The following FGF14 variants were observed in gnomAD, a reference collection of about 807,000 sequenced individuals.
FGF14 encodes fibroblast growth factor 14, also known as fibroblast growth factor homologous factor 4.
Under a neutral mutation model 25.5 loss-of-function variants are expected in FGF14, and 5 were observed. That is an observed-to-expected ratio of 0.20 (90% CI 0.10 to 0.41). FGF14 has a LOEUF of 0.41. Ranked by LOEUF, FGF14 falls within the 10% of genes least tolerant of loss-of-function variation. The pLI, the probability that FGF14 is intolerant of heterozygous loss-of-function variation, is 1.00. For missense variants in FGF14, 222 were observed against 320.1 expected (o/e 0.69, Z 2.34); for synonymous variants, 138 against 118.3 (o/e 1.17, Z -1.08).
chr13:101,856,047 C>T (rs2044111457), intron 3 of FGF14, among the ~76,000 whole-genome samples: 1 of 151,632 alleles, frequency 6.6e-6, no homozygotes, highest in Admixed American at 6.6e-5. Flanking sequence ...TTTGGCTTTG[C>T]TAACTCTGTA....
At chr13:102,188,778 C>A (rs1317442772) in intron 1 of FGF14, among the ~76,000 whole-genome samples, 1 of 151,194 alleles carries the variant, frequency 6.6e-6, no homozygotes, top group East Asian at 1.9e-4. Flanking sequence ...CCTTCTCAAC[C>A]AAAAATACAA....
At chr13:102,283,833 G>A (rs972777463) in intron 1 of FGF14, among the ~76,000 whole-genome samples, 1 of 152,140 alleles carries the variant, frequency 6.6e-6, no homozygotes, top group African/African-American at 2.4e-5. Context: ...CCATAAGCAG[G>A]TCAGTTGATT....
At chr13:102,154,624 C>A (rs550908631) in intron 1 of FGF14, among the ~76,000 whole-genome samples, 59 of 152,214 alleles carry the variant, frequency 3.9e-4, no homozygotes, top group Non-Finnish European at 6.6e-4. Flanking sequence ...AGCAAAATAA[C>A]CAGCTAACAT....
At chr13:101,800,645 T>C (rs1044801675) in intron 3 of FGF14, among the ~76,000 whole-genome samples, 4 of 152,218 alleles carry the variant, frequency 2.6e-5, no homozygotes, top group African/African-American at 9.6e-5. Context: ...CTATGTTCTG[T>C]GTGTCCAGAC....
In FGF14 at chr13:101,812,640, TATATATATATATA is replaced by T. The variant is rs1331628983; in HGVS notation, c.408+56072_408+56084del. Reference sequence around the variant, plus strand: ...ATATATATATATATATATATATATATATATATATATATATTTTTTTTTTTTTTTTTTTTTTTTT... The same window carrying T: ...ATATATATATATATATATATATATATTTTTTTTTTTTTTTTTTTTTTTTTT... On this transcript the variant is annotated intron_variant, in intron 3 of 4. Coordinates refer to ENST00000376143, the MANE Select transcript of FGF14 (RefSeq NM_004115.4). Among the ~76,000 whole-genome samples the T allele has an allele frequency of 9.0e-3, 121 of 13,486 alleles. 1 individual carries two copies. The highest frequency in any genetic ancestry group is 0.025 in the Middle Eastern group (1 of 40). 8.8% of individuals were successfully genotyped at this position (13,486 alleles called of 152,430 possible).
chr13:102,141,321 G>T (rs2046634906), intron 1 of FGF14, among the ~76,000 whole-genome samples: 1 of 152,184 alleles, frequency 6.6e-6, no homozygotes, highest in Non-Finnish European at 1.5e-5. Context: ...GAGTTCAAGA[G>T]CCATTTCTAT....
rs868433062 is a variant in FGF14 at position 101,916,462 on chromosome 13, G to T, written c.184C>A (p.Arg62=). The T allele has an allele frequency of 6.2e-7, 1 of 1,613,930 alleles. No homozygotes were observed. The highest frequency in any genetic ancestry group is 8.5e-7 in the Non-Finnish European group (1 of 1,179,922). ...RIFGLKKRRL[R]RQDPQLKGIV... ...CATGACCCCCACAGACCTTGGCGCCGCAACCTGCGCTTCTTGAGGCCGAAG... is the reference window on the plus strand; with the variant it reads ...CATGACCCCCACAGACCTTGGCGCCTCAACCTGCGCTTCTTGAGGCCGAAG... Residue 62 remains arginine (R), a synonymous_variant, in exon 1 of 5, where the codon CGG becomes AGG. Coordinates refer to ENST00000376143, the MANE Select transcript of FGF14 (RefSeq NM_004115.4).
chr13:102,299,497 T>A (rs1326934654), intron 1 of FGF14, among the ~76,000 whole-genome samples: 1 of 152,072 alleles, frequency 6.6e-6, no homozygotes, highest in African/African-American at 2.4e-5. Flanking sequence ...CATACTATTG[T>A]CAGAAATCCC....
chr13:102,092,464 T>C (rs963949087), intron 1 of FGF14, among the ~76,000 whole-genome samples: 8 of 152,176 alleles, frequency 5.3e-5, no homozygotes, highest in African/African-American at 1.9e-4. Flanking sequence ...CCATTTCCTT[T>C]ATGAATTTAG....
chr13:101,718,529 A>G lies in FGF14; in HGVS notation c.*4302T>C, dbSNP rs2034807444. 6.6e-6 allele frequency: 1 copy of G among 151,574 alleles called. No individual in the cohort carries two copies. Among genetic ancestry groups the G allele is most frequent in the East Asian group, 2.0e-4 (1 of 5,108 alleles). 9.4% of individuals were successfully genotyped at this position (151,574 alleles called of 1,614,324 possible). On this transcript the variant is annotated 3_prime_UTR_variant, in exon 5 of 5. Transcript: ENST00000376143. ...CAATTGGAAGGGATGCAGCAAGTTT[A>G]GAGAAGGTGTTGGCACTAACGCTGC...
intron 1 of FGF14, among the ~76,000 whole-genome samples, chr13:102,364,102 T>C (rs1351806396): frequency 6.6e-6 from 1 of 152,234 alleles, no homozygotes; most frequent in Non-Finnish European, 1.5e-5. Flanking sequence ...TGCTACTTTT[T>C]TATTATAAGG....
Position 102,390,656 on chromosome 13 carries a change from A to G in FGF14, c.208+10815T>C, listed in dbSNP as rs1287266433. 2.6e-5 allele frequency among the ~76,000 whole-genome samples: 4 copies of G among 152,190 alleles called. 1 individual carries two copies. In the East Asian group the frequency reaches 7.7e-4, roughly 29 times the overall value. On this transcript the variant is annotated intron_variant, in intron 1 of 4. Transcript: ENST00000376131. The stretch of plus-strand genomic sequence containing the variant: ...ATAATTTTTAACAGAAGTATAAAAG[A>G]TTTTCCTGTGATTTTAAAGATGAAA...
rs556818954 is a variant in FGF14 at position 101,872,554 on chromosome 13, A to G, written c.304+2632T>C. Among the ~76,000 whole-genome samples the G allele has an allele frequency of 3.9e-5, 6 of 152,076 alleles. No individual in the cohort carries two copies. The South Asian group carries it at 6.2e-4, about 16-fold the overall frequency. On this transcript the variant is annotated intron_variant, in intron 2 of 4. Transcript: ENST00000376143. ...ATTGAAATGAACTAGAGAAAAGAAAATGTCTTTAAATTCATCCTAAGAAAC... is the reference window on the plus strand; with the variant it reads ...ATTGAAATGAACTAGAGAAAAGAAAGTGTCTTTAAATTCATCCTAAGAAAC...
intron 1 of FGF14, among the ~76,000 whole-genome samples, chr13:102,186,611 T>C (rs942589434): frequency 7.2e-5 from 11 of 152,088 alleles, no homozygotes; most frequent in Admixed American, 7.2e-4. Flanking sequence ...ACACGTAAAG[T>C]TTGACATGTC....
intron 3 of FGF14, among the ~76,000 whole-genome samples, chr13:101,742,939 G>A: frequency 6.6e-6 from 1 of 152,168 alleles, no homozygotes; most frequent in East Asian, 1.9e-4. Context: ...GAAGACATAA[G>A]TGACTATTTC....
chr13:101,861,534 AAGTTGCAGACACT>A (rs1444747489), intron 3 of FGF14, among the ~76,000 whole-genome samples: 1 of 147,740 alleles, frequency 6.8e-6, no homozygotes, highest in Non-Finnish European at 1.5e-5. Context: ...TTTAATTCAG[AAGTTGCAGACACT>A]AGTGTCTGCA....
At chr13:101,739,723 C>T (rs2036420000) in intron 3 of FGF14, among the ~76,000 whole-genome samples, 1 of 152,126 alleles carries the variant, frequency 6.6e-6, no homozygotes. Flanking sequence ...ATGAGTGAAA[C>T]CAGTGGTCAC....
At chr13:102,089,851 C>A (rs1172541666) in intron 1 of FGF14, among the ~76,000 whole-genome samples, 1 of 152,198 alleles carries the variant, frequency 6.6e-6, no homozygotes, top group South Asian at 2.1e-4. Context: ...CTCTTACAAG[C>A]AGTTCTTTTC....
Position 101,714,501 on chromosome 13 carries a change from G to A in FGF14, c.*8330C>T, listed in dbSNP as rs758403734. ...GAGTGGTATATTTCTGGGGAGTTCT[G>A]TGACTGTGATGACAGAGACTGCGAC... On this transcript the variant is annotated 3_prime_UTR_variant, in exon 5 of 5. Coordinates refer to ENST00000376143, the MANE Select transcript of FGF14 (RefSeq NM_004115.4). The A allele has an allele frequency of 1.9e-6, 3 of 1,613,090 alleles. No individual in the cohort carries two copies.
Sources: gnomAD v4.1 joint callset for allele counts (sites outside exome capture counted in the v4.1 genomes callset) on GRCh38, gnomAD v4.1.1 for gene constraint, MANE v1.5 for transcripts, NCBI Gene and HGNC (gene_info 2026-07-23, HGNC 2026-07-21) for gene names.